HCN1: variants seen among roughly 807,000 people sequenced by gnomAD.
HCN1 encodes hyperpolarization activated cyclic nucleotide gated potassium channel 1.
A neutral mutation model predicts 78.9 loss-of-function variants in HCN1; 13 were observed. The ratio of observed to expected loss-of-function variants is 0.16; its 90% CI spans 0.11 to 0.26. HCN1 has a LOEUF of 0.26. Among genes scored for constraint, HCN1 ranks in the 10% least tolerant of loss-of-function variants. HCN1 has a pLI of 1.00. For synonymous variants in HCN1, 552 were observed against 455.5 expected (o/e 1.21, Z -2.70); for missense variants, 810 against 1,154.3 (o/e 0.70, Z 4.32).
At chr5:45,335,022 A>T (rs1198029434) in intron 5 of HCN1, among the ~76,000 whole-genome samples, 1 of 152,052 alleles carries the variant, frequency 6.6e-6, no homozygotes, top group Non-Finnish European at 1.5e-5. Context: ...GCAGGATGGG[A>T]TTACACTCTC....
At chr5:45,695,398 T>C (rs193127937) in intron 1 of HCN1, among the ~76,000 whole-genome samples, 2 of 152,228 alleles carry the variant, frequency 1.3e-5, no homozygotes, top group Admixed American at 6.5e-5. Context: ...GTGGCCTCCA[T>C]CCTTCCCTGA....
chr5:45,335,357 A>C, intron 5 of HCN1, among the ~76,000 whole-genome samples: 1 of 152,086 alleles, frequency 6.6e-6, no homozygotes, highest in East Asian at 1.9e-4. Context: ...ATTAGTTTTT[A>C]TTTTTAAATA....
rs952956993 is a variant in HCN1 at position 45,255,513 on chromosome 5, A to G, written c.*6408T>C. 3 of 152,192 alleles carry G rather than the reference A, an allele frequency of 2.0e-5. No individual in the cohort carries two copies. The highest frequency in any genetic ancestry group is 4.8e-5 in the African/African-American group (2 of 41,444). The allele number at this position is 152,192 out of a possible 1,614,324, so 9.4% of individuals were successfully genotyped here. On this transcript the variant is annotated 3_prime_UTR_variant, in exon 8 of 8. Coordinates refer to ENST00000303230, the MANE Select transcript of HCN1 (RefSeq NM_021072.4). ...TACTTCTGGGTGATACTGACGCTGC[A>G]GTTCCATGCACCACACTTTCCACAG... is the stretch of plus-strand genomic sequence containing the variant.
intron 5 of HCN1, among the ~76,000 whole-genome samples, chr5:45,352,555 A>C (rs1172661856): frequency 6.6e-6 from 1 of 151,938 alleles, no homozygotes; most frequent in Non-Finnish European, 1.5e-5. Flanking sequence ...AAATATGAAT[A>C]ACCAAGAGCA....
chr5:45,635,823 G>A (rs1161895422), intron 2 of HCN1, among the ~76,000 whole-genome samples: 1 of 152,128 alleles, frequency 6.6e-6, no homozygotes, highest in African/African-American at 2.4e-5. Flanking sequence ...TACAGTTACA[G>A]TGCCTCATAA....
intron 5 of HCN1, among the ~76,000 whole-genome samples, chr5:45,317,409 A>C (rs995860108): frequency 3.8e-4 from 57 of 151,936 alleles, no homozygotes; most frequent in South Asian, 2.1e-4. Context: ...CTTATACAAA[A>C]ATTATAAGAT....
At chr5:45,343,308 A>G (rs1382746598) in intron 5 of HCN1, among the ~76,000 whole-genome samples, 2 of 152,208 alleles carry the variant, frequency 1.3e-5, no homozygotes, top group African/African-American at 2.4e-5. Flanking sequence ...CAGAGAAATG[A>G]CTAACTTATG....
At chr5:45,265,295 G>T (rs1291789050) in intron 7 of HCN1, among the ~76,000 whole-genome samples, 1 of 152,068 alleles carries the variant, frequency 6.6e-6, no homozygotes, top group Admixed American at 6.6e-5. Context: ...TTTCTCTAAG[G>T]ATGTCTAGCT....
chr5:45,551,086 A>T (rs905336134), intron 2 of HCN1, among the ~76,000 whole-genome samples: 1 of 151,952 alleles, frequency 6.6e-6, no homozygotes, highest in Non-Finnish European at 1.5e-5. Flanking sequence ...CTTAAGGAAA[A>T]CTCTGATGCA....
At chr5:45,658,874 G>C (rs1360783017) in intron 1 of HCN1, among the ~76,000 whole-genome samples, 1 of 149,270 alleles carries the variant, frequency 6.7e-6, no homozygotes, top group Non-Finnish European at 1.5e-5. Flanking sequence ...ACGAGGCTGG[G>C]GGAGGGGCGC....
chr5:45,505,990 A>G (rs772780787), intron 2 of HCN1, among the ~76,000 whole-genome samples: 1 of 152,132 alleles, frequency 6.6e-6, no homozygotes. Context: ...TAAATAATTC[A>G]AAGTGCAATC....
chr5:45,368,838 T>C (rs1021663591), intron 4 of HCN1, among the ~76,000 whole-genome samples: 8 of 152,092 alleles, frequency 5.3e-5, no homozygotes, highest in African/African-American at 1.9e-4. Context: ...TGTACTATTT[T>C]TTCCATTACA....
intron 1 of HCN1, among the ~76,000 whole-genome samples, chr5:45,646,229 G>A (rs1265952513): frequency 2.0e-5 from 3 of 151,924 alleles, no homozygotes; most frequent in Non-Finnish European, 4.4e-5. Flanking sequence ...TTGGTCTGAT[G>A]CTAAAAAGAA....
chr5:45,280,327 G>A (rs1330122859), intron 6 of HCN1, among the ~76,000 whole-genome samples: 2 of 152,158 alleles, frequency 1.3e-5, no homozygotes, highest in East Asian at 3.8e-4. Context: ...AAGAATCTCA[G>A]AAGAAAAACA....
At chr5:45,343,584 A>T (rs887037015) in intron 5 of HCN1, among the ~76,000 whole-genome samples, 1 of 152,204 alleles carries the variant, frequency 6.6e-6, no homozygotes. Flanking sequence ...ATAACTTGTG[A>T]GAATGACTAA....
chr5:45,425,728 T>C (rs937227531), intron 3 of HCN1, among the ~76,000 whole-genome samples: 1 of 152,178 alleles, frequency 6.6e-6, no homozygotes, highest in Non-Finnish European at 1.5e-5. Context: ...AAAAGAATCA[T>C]TGGAATTCAA....
chr5:45,333,732 T>C (rs747787202), intron 5 of HCN1, among the ~76,000 whole-genome samples: 51 of 151,880 alleles, frequency 3.4e-4, no homozygotes, highest in Non-Finnish European at 2.8e-4. Context: ...GCACCATTTA[T>C]TGAAGAGACT....
intron 5 of HCN1, among the ~76,000 whole-genome samples, chr5:45,325,885 A>G (rs903931465): frequency 6.6e-6 from 1 of 151,452 alleles, no homozygotes; most frequent in African/African-American, 2.4e-5. Flanking sequence ...TTATGGTGCA[A>G]CTCCTGAATA....
intron 5 of HCN1, among the ~76,000 whole-genome samples, chr5:45,325,422 T>G (rs1746216402): frequency 6.6e-6 from 1 of 151,738 alleles, no homozygotes; most frequent in Non-Finnish European, 1.5e-5. Flanking sequence ...CAATACATGA[T>G]GATTGTAAAT....
Sources: gnomAD v4.1 joint callset for allele counts (sites outside exome capture counted in the v4.1 genomes callset) on GRCh38, gnomAD v4.1.1 for gene constraint, MANE v1.5 for transcripts, NCBI Gene and HGNC (gene_info 2026-07-23, HGNC 2026-07-21) for gene names.